Variants in MYO16 observed in about 807,000 individuals in gnomAD.
The protein encoded by MYO16 is unconventional myosin-XVI.
A neutral mutation model predicts 205.3 loss-of-function variants in MYO16; 94 were observed. The observed-to-expected ratio is 0.46, with a 90% confidence interval of 0.39 to 0.54. The LOEUF is 0.54. MYO16 is among the 20% of genes least tolerant of loss of function. The pLI is 0.00. For missense variants in MYO16, 2,315 were observed against 2,387.5 expected (o/e 0.97, Z 0.63); for synonymous variants, 988 against 954.0 (o/e 1.04, Z -0.66).
At chr13:109,183,350 GAGCA>G (rs1879537788) in intron 34 of MYO16, among the ~76,000 whole-genome samples, 1 of 152,168 alleles carries the variant, frequency 6.6e-6, no homozygotes, top group African/African-American at 2.4e-5. Flanking sequence ...TTTATAAATA[GAGCA>G]AAAGCATGAA....
chr13:108,552,163 A>G, the MYO16 span, among the ~76,000 whole-genome samples: 2 of 152,140 alleles, frequency 1.3e-5, no homozygotes, highest in African/African-American at 2.4e-5. Flanking sequence ...ATGGGAGAGC[A>G]AGGTCATCTG....
chr13:108,872,796 A>T (rs922963916), intron 12 of MYO16, among the ~76,000 whole-genome samples: 4 of 152,146 alleles, frequency 2.6e-5, no homozygotes, highest in African/African-American at 9.7e-5. Flanking sequence ...AAATACAAAA[A>T]ATATATCAGG....
chr13:108,571,485 G>A, the MYO16 span, among the ~76,000 whole-genome samples: 4 of 152,216 alleles, frequency 2.6e-5, no homozygotes, highest in South Asian at 2.1e-4. Flanking sequence ...TCTAATGTAA[G>A]CTTTTCATTA....
chr13:108,977,619 A>G (rs1476616422), intron 20 of MYO16, among the ~76,000 whole-genome samples: 1 of 152,122 alleles, frequency 6.6e-6, no homozygotes, highest in Non-Finnish European at 1.5e-5. Flanking sequence ...TTTTCAGCAC[A>G]GCAGGAAAAT....
chr13:108,683,419 AAAAGAAAG>A (rs953129842), intron 2 of MYO16, among the ~76,000 whole-genome samples: 18 of 152,154 alleles, frequency 1.2e-4, no homozygotes, highest in African/African-American at 4.1e-4. Flanking sequence ...TTTGCCAAAA[AAAAGAAAG>A]AAAGAAAGAA....
chr13:109,063,671 A>G (rs1566487932), intron 27 of MYO16, among the ~76,000 whole-genome samples: 1 of 152,216 alleles, frequency 6.6e-6, no homozygotes, highest in African/African-American at 2.4e-5. Context: ...TTGTTATAGC[A>G]GCCCACCCCA....
chr13:109,101,036 A>G (rs953953798), intron 28 of MYO16, 149 bp downstream of exon 28: 1 of 633,340 alleles, frequency 1.6e-6, no homozygotes, highest in African/African-American at 1.8e-5. Flanking sequence ...TTCCCTGGAA[A>G]TTTGTCATTC....
chr13:108,879,334 T>G (rs1339422728), intron 12 of MYO16, among the ~76,000 whole-genome samples: 2 of 152,184 alleles, frequency 1.3e-5, no homozygotes, highest in African/African-American at 4.8e-5. Flanking sequence ...AATGTGTAGA[T>G]AAATTGTACA....
chr13:109,001,342 A>T (rs1472232546), intron 21 of MYO16, among the ~76,000 whole-genome samples: 2 of 152,086 alleles, frequency 1.3e-5, no homozygotes, highest in Non-Finnish European at 2.9e-5. Context: ...GCGGGTCCCA[A>T]TGTGGGGCTC....
At chr13:108,932,217 G>A (rs1220948484) in intron 16 of MYO16, among the ~76,000 whole-genome samples, 2 of 151,868 alleles carry the variant, frequency 1.3e-5, no homozygotes, top group Non-Finnish European at 2.9e-5. Context: ...CATATTTCTA[G>A]TTCTTTTTAT....
intron 1 of MYO16, among the ~76,000 whole-genome samples, chr13:108,620,448 A>C: frequency 6.6e-6 from 1 of 152,178 alleles, no homozygotes; most frequent in East Asian, 1.9e-4. Flanking sequence ...AAGAGCATGC[A>C]TTCATGTTAC....
At chr13:109,088,033 A>C (rs1440142786) in intron 27 of MYO16, among the ~76,000 whole-genome samples, 1 of 152,232 alleles carries the variant, frequency 6.6e-6, no homozygotes, top group Non-Finnish European at 1.5e-5. Flanking sequence ...TTGAATGTAC[A>C]AAACAGGCTG....
intron 4 of MYO16, among the ~76,000 whole-genome samples, chr13:108,776,900 G>A (rs147762888): frequency 3.3e-5 from 5 of 152,254 alleles, no homozygotes; most frequent in Admixed American, 6.5e-5. Context: ...GTCCTTAAAC[G>A]CTCAGCTATG....
chr13:108,842,555 A>G (rs1270590650), intron 9 of MYO16, among the ~76,000 whole-genome samples: 1 of 152,180 alleles, frequency 6.6e-6, no homozygotes, highest in Non-Finnish European at 1.5e-5. Flanking sequence ...ACAACAAAAT[A>G]CCACCTCACA....
intron 1 of MYO16, among the ~76,000 whole-genome samples, chr13:108,612,837 G>T (rs539837467): frequency 6.6e-6 from 1 of 152,254 alleles, no homozygotes; most frequent in Admixed American, 6.5e-5. Context: ...TGCCTTCCCT[G>T]CTAAATGAGA....
At chr13:108,660,577 G>A (rs1881458355) in intron 1 of MYO16, among the ~76,000 whole-genome samples, 1 of 151,966 alleles carries the variant, frequency 6.6e-6, no homozygotes, top group African/African-American at 2.4e-5. Context: ...GTTTTTTTCG[G>A]ATATAAGAAT....
chr13:109,154,059 C>T (rs777140088), intron 32 of MYO16, among the ~76,000 whole-genome samples: 6 of 152,226 alleles, frequency 3.9e-5, no homozygotes, highest in South Asian at 2.1e-4. Flanking sequence ...GCAACCGCTA[C>T]GGCTATCAAA....
chr13:108,858,961 T>G (rs983195713), intron 11 of MYO16, among the ~76,000 whole-genome samples: 1 of 152,166 alleles, frequency 6.6e-6, no homozygotes, highest in Admixed American at 6.5e-5. Flanking sequence ...CTGAGTAATT[T>G]GACCACCATA....
At chr13:108,667,169 A>C (rs1336611963) in intron 2 of MYO16, among the ~76,000 whole-genome samples, 2 of 152,208 alleles carry the variant, frequency 1.3e-5, no homozygotes, top group Non-Finnish European at 2.9e-5. Flanking sequence ...GAAGGCTTTC[A>C]AATGGGGATT....
Sources: allele counts gnomAD v4.1 joint callset (sites outside exome capture counted in the v4.1 genomes callset), GRCh38; gene constraint gnomAD v4.1.1; transcripts MANE v1.5; gene names NCBI Gene and HGNC (gene_info 2026-07-23, HGNC 2026-07-21).